The following LRRC7 variants were observed in gnomAD, a reference collection of about 807,000 sequenced individuals.
The protein encoded by LRRC7 is leucine-rich repeat-containing protein 7.
LRRC7 carries 23 observed loss-of-function variants against 175.7 expected under a neutral mutation model. That is an observed-to-expected ratio of 0.13 (90% CI 0.09 to 0.19). The LOEUF is 0.19. Among genes scored for constraint, LRRC7 ranks in the 10% least tolerant of loss-of-function variants. LRRC7 has a pLI of 1.00. For synonymous variants in LRRC7, 685 were observed against 680.9 expected (o/e 1.01, Z -0.09); for missense variants, 1,354 against 1,904.7 (o/e 0.71, Z 5.38).
At chr1:69,975,111 T>C (rs931867085) in intron 8 of LRRC7, among the ~76,000 whole-genome samples, 29 of 152,196 alleles carry the variant, frequency 1.9e-4, no homozygotes, top group African/African-American at 7.0e-4. Context: ...TCTTTCCAAG[T>C]AGCCATAGAT....
At chr1:69,755,779 G>C (rs1315774678) in intron 2 of LRRC7, among the ~76,000 whole-genome samples, 3 of 151,882 alleles carry the variant, frequency 2.0e-5, no homozygotes, top group Non-Finnish European at 4.4e-5. Context: ...ACCCCAGGCA[G>C]AAGGCCAGAA....
intron 1 of LRRC7, among the ~76,000 whole-genome samples, chr1:69,654,074 A>C (rs1004050823): frequency 1.3e-5 from 2 of 151,900 alleles, no homozygotes; most frequent in Admixed American, 1.3e-4. Flanking sequence ...CCTGTAATGT[A>C]CACTTAAAAA....
At chr1:69,821,124 A>AT (rs908605466) in intron 4 of LRRC7, among the ~76,000 whole-genome samples, 1 of 151,966 alleles carries the variant, frequency 6.6e-6, no homozygotes, top group African/African-American at 2.4e-5. Flanking sequence ...GATGATGAGC[A>AT]TTTTTTCATA....
At chr1:69,569,268 A>G (rs923344463) in intron 1 of LRRC7, among the ~76,000 whole-genome samples, 1 of 151,992 alleles carries the variant, frequency 6.6e-6, no homozygotes, top group African/African-American at 2.4e-5. Context: ...GACGGAAAGA[A>G]GTGGGGGAGC....
At chr1:69,968,825 T>TA (rs1651924216) in intron 8 of LRRC7, among the ~76,000 whole-genome samples, 1 of 150,208 alleles carries the variant, frequency 6.7e-6, no homozygotes, top group Non-Finnish European at 1.5e-5. Flanking sequence ...TTTTTGTTTT[T>TA]GTTTTTTTTT....
In LRRC7 at chr1:70,023,310, G is replaced by C. The variant is rs1310053555; in HGVS notation, c.1730G>C (p.Ser577Thr). ...GCISGLQQER[S>T]MCTPLPVAAQ... is the part of the protein sequence containing the mutation. ...ATAAGTGGCCTCCAGCAGGAAAGGA[G>C]CATGTGTACTCCATTGCCAGTTGCA... Residue 577 changes from serine to threonine, a missense_variant, in exon 17 of 27, where the codon AGC becomes ACC. Ser to Thr is a moderately conservative substitution (Grantham distance 58). Transcript: ENST00000651989. The C allele has an allele frequency of 2.5e-6, 4 of 1,613,522 alleles. No individual in the cohort carries two copies. In the African/African-American group the frequency reaches 5.3e-5, roughly 22 times the overall value.
intron 1 of LRRC7, among the ~76,000 whole-genome samples, chr1:69,646,203 A>G (rs1420396255): frequency 6.6e-6 from 1 of 152,074 alleles, no homozygotes; most frequent in South Asian, 2.1e-4. Flanking sequence ...TAAAATTGCT[A>G]TTAAAGTGCT....
At chr1:70,040,405 T>G (rs962565412) in intron 21 of LRRC7, among the ~76,000 whole-genome samples, 1 of 152,206 alleles carries the variant, frequency 6.6e-6, no homozygotes, top group Non-Finnish European at 1.5e-5. Context: ...TAGAAAGAAA[T>G]ATTTAAATTC....
At chr1:69,880,505 T>A (rs555339572) in intron 7 of LRRC7, among the ~76,000 whole-genome samples, 1 of 152,276 alleles carries the variant, frequency 6.6e-6, no homozygotes, top group African/African-American at 2.4e-5. Context: ...TGAGCCAACT[T>A]CTTAGATCCT....
intron 8 of LRRC7, among the ~76,000 whole-genome samples, chr1:69,949,007 T>G (rs1649640241): frequency 1.3e-5 from 2 of 152,148 alleles, no homozygotes; most frequent in Non-Finnish European, 2.9e-5. Context: ...TCTAGAAATC[T>G]TTCAGTCTCT....
intron 7 of LRRC7, among the ~76,000 whole-genome samples, chr1:69,844,312 T>C (rs1025232014): frequency 5.3e-5 from 8 of 152,162 alleles, no homozygotes; most frequent in African/African-American, 1.7e-4. Context: ...CTTGTTCATC[T>C]TGTATAACTG....
intron 7 of LRRC7, among the ~76,000 whole-genome samples, chr1:69,859,296 A>T (rs1275489478): frequency 6.6e-6 from 1 of 152,150 alleles, no homozygotes; most frequent in East Asian, 1.9e-4. Context: ...ATGAAGACTA[A>T]TTTTAATACG....
chr1:69,965,283 T>C (rs1361598439), intron 8 of LRRC7, among the ~76,000 whole-genome samples: 1 of 152,230 alleles, frequency 6.6e-6, no homozygotes, highest in Non-Finnish European at 1.5e-5. Context: ...TATCCAGTCT[T>C]CCAACATTTC....
intron 4 of LRRC7, among the ~76,000 whole-genome samples, chr1:69,815,268 C>T (rs762246528): frequency 2.6e-5 from 4 of 151,986 alleles, no homozygotes; most frequent in Admixed American, 6.6e-5. Context: ...CTTTGGAAAA[C>T]GGTGTGTGCA....
intron 22 of LRRC7, among the ~76,000 whole-genome samples, chr1:70,050,165 C>T (rs563336715): frequency 5.0e-4 from 76 of 151,910 alleles, no homozygotes; most frequent in Non-Finnish European, 9.1e-4. Flanking sequence ...ACAAATGTGC[C>T]GACATATATA....
intron 8 of LRRC7, among the ~76,000 whole-genome samples, chr1:69,939,037 ATATC>A (rs1557911154): frequency 3.6e-4 from 29 of 80,950 alleles, no homozygotes; most frequent in African/African-American, 9.6e-4. Context: ...ATATCTATAT[ATATC>A]TATATCTATC....
rs1173541354 is a variant in LRRC7, at chr1:70,105,410, A to G, written c.4546-2342A>G. Among the ~76,000 whole-genome samples, 5 of 152,286 alleles carry G rather than the reference A, an allele frequency of 3.3e-5. No homozygotes were observed. The East Asian group carries it at 9.6e-4, about 29-fold the overall frequency. ...GAAAAATAAGAAAACACAAATAAGG[A>G]AAAATAAAAAAAAATCTGATGTCCC... On this transcript the variant is annotated intron_variant, in intron 25 of 26. Transcript: ENST00000651989.
chr1:69,820,879 T>C lies in LRRC7; in HGVS notation c.422-4869T>C, dbSNP rs535935548. On this transcript the variant is annotated intron_variant, in intron 4 of 26. Coordinates refer to ENST00000651989, the MANE Select transcript of LRRC7 (RefSeq NM_001370785.2). Reference sequence around the variant, plus strand: ...TATAATCCTTTGGGTATATACCCAGTAATGGGATTGCTGGGTCAAATAGTA... The same window carrying C: ...TATAATCCTTTGGGTATATACCCAGCAATGGGATTGCTGGGTCAAATAGTA... Among the ~76,000 whole-genome samples the C allele has an allele frequency of 6.8e-4, 103 of 152,336 alleles. 1 individual carries two copies. Among genetic ancestry groups the C allele is most frequent in the African/African-American group, 2.2e-3 (93 of 41,586 alleles).
At chr1:70,015,680 A>C (rs1227667273) in intron 13 of LRRC7, among the ~76,000 whole-genome samples, 2 of 152,186 alleles carry the variant, frequency 1.3e-5, no homozygotes, top group Non-Finnish European at 2.9e-5. Context: ...CAAAGGCTGA[A>C]GCCAAAGCTA....
Sources: allele counts gnomAD v4.1 joint callset (sites outside exome capture counted in the v4.1 genomes callset), GRCh38; gene constraint gnomAD v4.1.1; transcripts MANE v1.5; gene names NCBI Gene and HGNC (gene_info 2026-07-23, HGNC 2026-07-21).